PAFAH2: variants seen among roughly 807,000 people sequenced by gnomAD.
The protein encoded by PAFAH2 is platelet activating factor acetylhydrolase 2, also known as platelet-activating factor acetylhydrolase 2, cytoplasmic.
In PAFAH2, 42 loss-of-function variants were observed where a neutral mutation model predicts 49.0. That is an observed-to-expected ratio of 0.86 (90% CI 0.67 to 1.11). PAFAH2 has a LOEUF of 1.11. Among genes scored for constraint, PAFAH2 ranks in the 50% least tolerant of loss-of-function variants. The probability of loss-of-function intolerance (pLI) is 0.00; values close to 1 mark genes in which losing one functional copy is unlikely to be tolerated. For missense variants in PAFAH2, 503 were observed against 501.8 expected (o/e 1.00, Z -0.02); for synonymous variants, 184 against 181.3 (o/e 1.01, Z -0.12).
chr1:25,981,465 T>C (rs1023821747), intron 7 of PAFAH2, among the ~76,000 whole-genome samples: 5 of 152,090 alleles, frequency 3.3e-5, no homozygotes, highest in African/African-American at 9.7e-5. Context: ...GGGAGGGTTC[T>C]TGGGATTCCC....
Position 25,984,096 on chromosome 1 carries a change from C to A in PAFAH2, c.411-9G>T, listed in dbSNP as rs561834862. Reference sequence around the variant, plus strand: ...TTGCCGCTGACCGGTCCCTGAAATACACACATCATCAGAGAGAAACCAGAA... The same window carrying A: ...TTGCCGCTGACCGGTCCCTGAAATAAACACATCATCAGAGAGAAACCAGAA... On this transcript the variant is annotated splice_polypyrimidine_tract_variant and intron_variant, in intron 5 of 10. Coordinates refer to ENST00000374282, the MANE Select transcript of PAFAH2 (RefSeq NM_000437.4). 20 of 1,613,908 alleles carry A rather than the reference C, an allele frequency of 1.2e-5. No individual in the cohort carries two copies. The highest frequency in any genetic ancestry group is 3.3e-5 in the Admixed American group (2 of 59,998).
intron 10 of PAFAH2, among the ~76,000 whole-genome samples, chr1:25,968,335 G>A (rs889957173): frequency 6.6e-6 from 1 of 152,084 alleles, no homozygotes; most frequent in Admixed American, 6.5e-5. Context: ...ACAGGAAGGT[G>A]GGGAGAGGTG....
At chr1:25,974,385 TG>T in intron 9 of PAFAH2, 94 bp downstream of exon 9, 3 of 1,012,424 alleles carry the variant, frequency 3.0e-6, no homozygotes, top group Admixed American at 6.1e-5. Context: ...ATCCTACTAA[TG>T]GGTAGAAAGT....
intron 9 of PAFAH2, 38 bp from the exon 10 acceptor site, chr1:25,972,750 G>C (rs753959664): frequency 6.2e-7 from 1 of 1,612,326 alleles, no homozygotes; most frequent in South Asian, 1.1e-5. Flanking sequence ...GGGTCTGGCG[G>C]CTAGGGCATA....
At chr1:25,977,259 A>G (rs1572350406) in intron 7 of PAFAH2, among the ~76,000 whole-genome samples, 1 of 150,878 alleles carries the variant, frequency 6.6e-6, no homozygotes, top group Non-Finnish European at 1.5e-5. Flanking sequence ...TCGGCCTCCC[A>G]AAGTGCTGGG....
chr1:25,961,948 G>T lies in PAFAH2; in HGVS notation c.*41C>A. ...GGGTGCCCTTGGGTAGCTCCCAAATGAAAACTTGGCTGAAGTGACTTTACA... is the reference window on the plus strand; with the variant it reads ...GGGTGCCCTTGGGTAGCTCCCAAATTAAAACTTGGCTGAAGTGACTTTACA... On this transcript the variant is annotated 3_prime_UTR_variant, in exon 11 of 11. Transcript: ENST00000374282. 1 of 1,527,062 alleles carries T rather than the reference G, an allele frequency of 6.5e-7. No individual in the cohort carries two copies. The highest frequency in any genetic ancestry group is 9.1e-7 in the Non-Finnish European group (1 of 1,103,132). The allele number at this position is 1,527,062 out of a possible 1,614,324, so 94.6% of individuals were successfully genotyped here. A position where few individuals can be genotyped will look rare whatever the true frequency, so the allele number is the denominator to read the frequency against.
chr1:25,994,585 G>T (rs2049915003), intron 1 of PAFAH2, among the ~76,000 whole-genome samples: 1 of 152,146 alleles, frequency 6.6e-6, no homozygotes, highest in Admixed American at 6.5e-5. Flanking sequence ...TGACTCTTAG[G>T]AAGCATCCAA....
Position 25,990,792 on chromosome 1 carries a change from A to G in PAFAH2, c.25T>C (p.Phe9Leu). MGVNQSVG[F>L]PPVTGPHLVG... ...AGGTGGGGTCCTGTGACAGGTGGAAAGCCCACAGACTGGTTGACCCCCATT... is the reference window on the plus strand; with the variant it reads ...AGGTGGGGTCCTGTGACAGGTGGAAGGCCCACAGACTGGTTGACCCCCATT... The change falls in exon 2 of 11, where the codon TTT (phenylalanine) becomes CTT (leucine). Residue 9 changes from phenylalanine (F) to leucine (L), a missense_variant. Transcript: ENST00000374282. The G allele has an allele frequency of 6.2e-7, 1 of 1,614,120 alleles. No homozygotes were observed. The highest frequency in any genetic ancestry group is 8.5e-7 in the Non-Finnish European group (1 of 1,179,976).
chr1:25,977,123 C>A (rs1482555010), intron 7 of PAFAH2, among the ~76,000 whole-genome samples: 5 of 148,010 alleles, frequency 3.4e-5, no homozygotes, highest in Admixed American at 6.8e-5. Context: ...CCCGGGTTCA[C>A]GCCATTCTCC....
chr1:25,971,289 CG>C (rs2049505511), intron 10 of PAFAH2, among the ~76,000 whole-genome samples: 2 of 152,172 alleles, frequency 1.3e-5, no homozygotes, highest in Non-Finnish European at 2.9e-5. Flanking sequence ...CTAGCTGGGA[CG>C]GGGCTACAGT....
At chr1:25,973,760 T>C (rs1387292322) in intron 9 of PAFAH2, among the ~76,000 whole-genome samples, 2 of 152,204 alleles carry the variant, frequency 1.3e-5, no homozygotes, top group African/African-American at 2.4e-5. Context: ...GTCCATGGTA[T>C]GCAGTCACTT....
At chr1:25,995,547 T>C (rs958828908) in intron 1 of PAFAH2, among the ~76,000 whole-genome samples, 6 of 152,232 alleles carry the variant, frequency 3.9e-5, no homozygotes, top group African/African-American at 1.4e-4. Context: ...TTTTCTTTCA[T>C]TCAGACACGT....
intron 8 of PAFAH2, among the ~76,000 whole-genome samples, chr1:25,976,069 T>C (rs1224939883): frequency 6.6e-6 from 1 of 152,172 alleles, no homozygotes; most frequent in Admixed American, 6.6e-5. Context: ...GATCTTCCTC[T>C]AGATCTTCAC....
chr1:25,960,182 T>C lies in PAFAH2; in HGVS notation c.*1807A>G, dbSNP rs1403239083. On this transcript the variant is annotated 3_prime_UTR_variant, in exon 11 of 11. Coordinates refer to ENST00000374282, the MANE Select transcript of PAFAH2 (RefSeq NM_000437.4). ...CTTCTTATGCTATGTCTCATGGGAATTCAAAGATCCTCCCTCACAGCCTCA... is the reference window on the plus strand; with the variant it reads ...CTTCTTATGCTATGTCTCATGGGAACTCAAAGATCCTCCCTCACAGCCTCA... 1 of 152,256 alleles carries C rather than the reference T, an allele frequency of 6.6e-6. No homozygotes were observed. The highest frequency in any genetic ancestry group is 1.9e-4 in the East Asian group (1 of 5,196). The allele number at this position is 152,256 out of a possible 1,614,324, so 9.4% of individuals were successfully genotyped here. A position where few individuals can be genotyped will look rare whatever the true frequency, so the allele number is the denominator to read the frequency against.
intron 8 of PAFAH2, among the ~76,000 whole-genome samples, chr1:25,975,305 T>C (rs2049572322): frequency 2.0e-5 from 3 of 152,134 alleles, no homozygotes; most frequent in South Asian, 2.1e-4. Flanking sequence ...GGGCTGGGCA[T>C]GGTGGTTCAT....
rs959035536 is a variant in PAFAH2 at position 25,960,855 on chromosome 1, G to C, written c.*1134C>G. The C allele has an allele frequency of 1.2e-4, 18 of 150,794 alleles. No individual in the cohort carries two copies. Among genetic ancestry groups the C allele is most frequent in the Non-Finnish European group, 1.2e-4 (8 of 67,838 alleles). 9.3% of individuals were successfully genotyped at this position (150,794 alleles called of 1,614,324 possible). A position where few individuals can be genotyped will look rare whatever the true frequency, so the allele number is the denominator to read the frequency against. On this transcript the variant is annotated 3_prime_UTR_variant, in exon 11 of 11. Transcript: ENST00000374282. The stretch of plus-strand genomic sequence containing the variant: ...GAGTCTTGCTCTGTCACCCAGGCTG[G>C]AGTGCAGTGGCGCGATCTTGACTCA...
At position 25,990,753 on chromosome 1, in the gene PAFAH2, C is replaced by T; in HGVS notation, c.64G>A (p.Asp22Asn). The T allele has an allele frequency of 6.2e-7, 1 of 1,613,978 alleles. No homozygotes were observed. The highest frequency in any genetic ancestry group is 8.5e-7 in the Non-Finnish European group (1 of 1,179,908). Residue 22 changes from aspartate (D) to asparagine (N), a missense_variant, in exon 2 of 11, where the codon GAT (aspartate) becomes AAT (asparagine). Coordinates refer to ENST00000374282, the MANE Select transcript of PAFAH2 (RefSeq NM_000437.4). Reference sequence around the variant, plus strand: ...TGGAGATTCTGACCCTCCATCACATCCCCACAGCCTACGAGGTGGGGTCCT... The same window carrying T: ...TGGAGATTCTGACCCTCCATCACATTCCCACAGCCTACGAGGTGGGGTCCT... ...VTGPHLVGCG[D>N]VMEGQNLQGS...
intron 10 of PAFAH2, among the ~76,000 whole-genome samples, chr1:25,963,432 A>G (rs1172192216): frequency 6.6e-6 from 1 of 152,160 alleles, no homozygotes; most frequent in South Asian, 2.1e-4. Context: ...AAAAAAATAG[A>G]GCCCGTTAAG....
At chr1:25,983,540 G>C (rs1374248512) in intron 6 of PAFAH2, among the ~76,000 whole-genome samples, 1 of 141,598 alleles carries the variant, frequency 7.1e-6, no homozygotes, top group Non-Finnish European at 1.5e-5. Context: ...CTGGGCGACA[G>C]AGCAAGATCC....
Sources: gnomAD v4.1 joint callset for allele counts (sites outside exome capture counted in the v4.1 genomes callset) on GRCh38, gnomAD v4.1.1 for gene constraint, MANE v1.5 for transcripts, NCBI Gene and HGNC (gene_info 2026-07-23, HGNC 2026-07-21) for gene names.